KIFC3: variants seen among roughly 807,000 people sequenced by gnomAD.
The protein encoded by KIFC3 is kinesin family member C3.
KIFC3 carries 60 observed loss-of-function variants against 101.8 expected under a neutral mutation model. That is an observed-to-expected ratio of 0.59 (90% CI 0.48 to 0.73). The LOEUF is 0.73. Ranked by LOEUF, KIFC3 falls within the 30% of genes least tolerant of loss-of-function variation. The pLI is 0.00. For synonymous variants in KIFC3, 476 were observed against 482.7 expected, an observed-to-expected ratio of 0.99 and a Z score of 0.18; for missense variants, 966 against 1,137.1, an observed-to-expected ratio of 0.85 and a Z score of 2.16.
intron 1 of KIFC3, chr16:57,813,689 T>C: frequency 1.0e-6 from 1 of 985,236 alleles, no homozygotes; most frequent in Non-Finnish European, 1.2e-6. Flanking sequence ...ATCCTGCGTG[T>C]GTCCAGCACC....
At chr16:57,763,948 G>A (rs2050157180) in intron 12 of KIFC3, among the ~76,000 whole-genome samples, 195 bp downstream of exon 12, 1 of 152,206 alleles carries the variant, frequency 6.6e-6, no homozygotes, top group African/African-American at 2.4e-5. Flanking sequence ...CCCATTGTGG[G>A]TGCCCTTGGG....
intron 1 of KIFC3, among the ~76,000 whole-genome samples, chr16:57,845,200 C>T (rs1218257802): frequency 6.6e-6 from 1 of 152,154 alleles, no homozygotes; most frequent in African/African-American, 2.4e-5. Context: ...TCCGTGCAAA[C>T]CCTGCAGGTG....
intron 3 of KIFC3, among the ~76,000 whole-genome samples, chr16:57,781,403 TCACAAGAGGACAGGG>T (rs2052720299): frequency 6.6e-6 from 1 of 152,284 alleles, no homozygotes; most frequent in Admixed American, 6.5e-5. Flanking sequence ...CTAGGGACAT[TCACAAGAGGACAGGG>T]GAACTCAAGG....
intron 9 of KIFC3, among the ~76,000 whole-genome samples, chr16:57,768,826 A>C (rs1567961390): frequency 6.6e-6 from 1 of 152,222 alleles, no homozygotes; most frequent in Non-Finnish European, 1.5e-5. Context: ...GGTTATTCTC[A>C]TATGTACAAG....
At chr16:57,804,205 T>C (rs1323414706), upstream of KIFC3, among the ~76,000 whole-genome samples, 1 of 152,222 alleles carries the variant, frequency 6.6e-6, no homozygotes, top group African/African-American at 2.4e-5. Flanking sequence ...TGGAGATAAA[T>C]GCTGCCAACA....
chr16:57,817,146 G>A (rs574649220), intron 1 of KIFC3, among the ~76,000 whole-genome samples: 1 of 152,226 alleles, frequency 6.6e-6, no homozygotes, highest in Non-Finnish European at 1.5e-5. Flanking sequence ...ATAACCTGAG[G>A]TCAGGAGTTT....
At chr16:57,773,538 C>T (rs2051582534) in intron 3 of KIFC3, among the ~76,000 whole-genome samples, 1 of 152,194 alleles carries the variant, frequency 6.6e-6, no homozygotes. Context: ...CTTATAATCC[C>T]AGCTGTAATC....
intron 1 of KIFC3, among the ~76,000 whole-genome samples, chr16:57,846,985 G>A (rs1486677238): frequency 6.6e-6 from 1 of 152,080 alleles, no homozygotes; most frequent in Non-Finnish European, 1.5e-5. Context: ...AGGATTTCGA[G>A]ACCAGCCTAG....
chr16:57,806,508 T>C (rs1158712148), upstream of KIFC3, among the ~76,000 whole-genome samples: 6 of 152,126 alleles, frequency 3.9e-5, no homozygotes, highest in African/African-American at 1.4e-4. Context: ...ACAGGACCCT[T>C]TCGTTACTTG....
At chr16:57,862,045 A>C (rs2149343049) in intron 1 of KIFC3, among the ~76,000 whole-genome samples, 1 of 152,256 alleles carries the variant, frequency 6.6e-6, no homozygotes, top group South Asian at 2.1e-4. Flanking sequence ...ATAGATCATC[A>C]AAGAACAAGG....
Position 57,770,661 on chromosome 16 carries a change from T to G in KIFC3, c.805A>C (p.Lys269Gln). 1 of 1,559,078 alleles carries G rather than the reference T, an allele frequency of 6.4e-7. No individual in the cohort carries two copies. The highest frequency in any genetic ancestry group is 8.7e-7 in the Non-Finnish European group (1 of 1,152,420). The stretch of plus-strand genomic sequence containing the variant: ...GCCTGGGACTCGCTGAGGGCCTGCT[T>G]GGTCTTGGACGACTCCACCTCCACT... The part of the protein sequence containing the change: ...KTVEVESSKT[K>Q]QALSESQARN... The change falls in exon 7 of 20, where the codon AAG becomes CAG. Residue 269 changes from lysine to glutamine, a missense_variant. By Grantham distance (53) the Lys-to-Gln change is moderately conservative. This residue lies in a region of KIFC3 where 689 missense variants were observed against 884.6 expected (regional missense o/e 0.78). Coordinates refer to ENST00000445690, the MANE Select transcript of KIFC3 (RefSeq NM_001130100.2).
chr16:57,802,988 T>C (rs1298819075), upstream of KIFC3: 2 of 1,535,850 alleles, frequency 1.3e-6, no homozygotes, highest in East Asian at 4.9e-5. The surrounding 1 kb of genome is among the most constrained non-coding windows in gnomAD (Gnocchi z 5.0). Flanking sequence ...TCCCTTACCG[T>C]GTCCTTGCAC....
In KIFC3 at chr16:57,795,086, TGCACTTCGG is replaced by T. The variant is rs147903082; in HGVS notation, c.219_227del (p.Arg74_Ala76del). On this transcript the variant is annotated inframe_deletion, in exon 3 of 20. Coordinates refer to ENST00000445690, the MANE Select transcript of KIFC3 (RefSeq NM_001130100.2). The stretch of plus-strand genomic sequence containing the variant: ...GGCACTGAGCTAGGGCTGGGCGAGC[TGCACTTCGG>T]GCACTGGAGTCCTCGTCACCGCAGA... The T allele has an allele frequency of 2.1e-3, 3,329 of 1,609,270 alleles. 98 individuals are homozygous for T. The African/African-American group carries it at 0.04, about 19-fold the overall frequency.
Position 57,798,276 on chromosome 16 carries a change from A to G in KIFC3, c.-33T>C, listed in dbSNP as rs1242298967. The G allele has an allele frequency of 3.2e-6, 5 of 1,549,210 alleles. No homozygotes were observed. The Admixed American group carries it at 7.8e-5, about 24-fold the overall frequency. On this transcript the variant is annotated 5_prime_UTR_variant, in exon 2 of 20. Transcript: ENST00000445690. ...GGCTCAGCAGCCTCCTCGGGGCACC[A>G]GGCAGCCTGCGGAGAGAACAAGGGG...
At chr16:57,759,879 C>T (rs1555594297) in intron 17 of KIFC3, 43 bp from the exon 18 acceptor site, 1 of 1,466,282 alleles carries the variant, frequency 6.8e-7, no homozygotes, top group Non-Finnish European at 9.3e-7. Context: ...CACGGCTGCC[C>T]TGGCTCCCCA....
upstream of KIFC3, chr16:57,807,672 A>T (rs1004264225): frequency 1.3e-5 from 2 of 152,132 alleles, no homozygotes; most frequent in East Asian, 3.9e-4. Flanking sequence ...CCCCAAGAAA[A>T]TCACCTTGCC....
At chr16:57,787,147 G>T (rs1261286292) in intron 3 of KIFC3, among the ~76,000 whole-genome samples, 2 of 152,384 alleles carry the variant, frequency 1.3e-5, no homozygotes, top group East Asian at 3.9e-4. Flanking sequence ...AGCAGCACGT[G>T]ACCAGCGTGG....
At chr16:57,771,053 G>T in intron 6 of KIFC3, 145 bp downstream of exon 6, 1 of 1,077,354 alleles carries the variant, frequency 9.3e-7, no homozygotes, top group African/African-American at 1.5e-5. Context: ...AAGGGGAAGG[G>T]GCAGGACCAA....
chr16:57,830,618 G>A (rs1295472855), intron 1 of KIFC3: 1 of 152,278 alleles, frequency 6.6e-6, no homozygotes, highest in East Asian at 1.9e-4. Context: ...TCCAATTTTA[G>A]TATATGTACT....
Sources: gnomAD v4.1 joint callset for allele counts (sites outside exome capture counted in the v4.1 genomes callset) on GRCh38, gnomAD v4.1.1 for gene constraint, gnomAD v4.1.1 regional missense constraint, Gnocchi (gnomAD v3.1) non-coding constraint, MANE v1.5 for transcripts, NCBI Gene and HGNC (gene_info 2026-07-23, HGNC 2026-07-21) for gene names.